The following RBM39 variants were observed in gnomAD, a reference collection of about 807,000 sequenced individuals.
The protein encoded by RBM39 is RNA-binding protein 39.
Under a neutral mutation model 79.6 loss-of-function variants are expected in RBM39, and 12 were observed. The observed-to-expected ratio is 0.15, with a 90% confidence interval of 0.10 to 0.24. The LOEUF is 0.24. Ranked by LOEUF, RBM39 falls within the 10% of genes least tolerant of loss-of-function variation. The pLI is 1.00. For missense variants in RBM39, 243 were observed against 653.4 expected, an observed-to-expected ratio of 0.37 and a Z score of 6.85; for synonymous variants, 185 against 208.4, an observed-to-expected ratio of 0.89 and a Z score of 0.97.
intron 9 of RBM39, among the ~76,000 whole-genome samples, chr20:35,717,067 G>C (rs1212440935): frequency 1.3e-5 from 2 of 152,036 alleles, no homozygotes; most frequent in Non-Finnish European, 2.9e-5. Context: ...ATCACCTGAG[G>C]TCAGGAGTTT....
chr20:35,712,420 A>T (rs2036529067), intron 12 of RBM39, among the ~76,000 whole-genome samples: 1 of 130,140 alleles, frequency 7.7e-6, no homozygotes, highest in Non-Finnish European at 1.6e-5. Context: ...GCAACAGAGC[A>T]AGTCTACTGT....
chr20:35,728,351 C>A (rs971782766), intron 6 of RBM39, among the ~76,000 whole-genome samples: 1 of 152,128 alleles, frequency 6.6e-6, no homozygotes, highest in Non-Finnish European at 1.5e-5. Context: ...GCTAATTACC[C>A]GATTTGATCA....
Position 35,707,027 on chromosome 20 carries a change from TAAAAAAAAAAAAA to T in RBM39, c.1307+80_1307+92del, listed in dbSNP as rs58614202. 1.1e-4 allele frequency: 17 copies of T among 151,870 alleles called. No individual in the cohort carries two copies. In the East Asian group the frequency reaches 1.2e-3, roughly 11 times the overall value. The allele number at this position is 151,870 out of a possible 1,614,324, so 9.4% of individuals were successfully genotyped here. A position where few individuals can be genotyped will look rare whatever the true frequency, so the allele number is the denominator to read the frequency against. On this transcript the variant is annotated intron_variant, in intron 14 of 16. Transcript: ENST00000253363. Reference sequence around the variant, plus strand: ...AGACAACAAGAGCGAAACTCCATCTTAAAAAAAAAAAAAAAAAAAAAAAAGAGAAATATATAAA... The same window carrying T: ...AGACAACAAGAGCGAAACTCCATCTTAAAAAAAAAAAGAGAAATATATAAA...
chr20:35,706,498 CTT>C lies in RBM39; in HGVS notation c.1307+620_1307+621del, dbSNP rs1327499700. Among the ~76,000 whole-genome samples, 7 of 152,046 alleles carry C rather than the reference CTT, an allele frequency of 4.6e-5. No individual in the cohort carries two copies. The East Asian group carries it at 9.6e-4, about 21-fold the overall frequency. ...ACAATTGTCATTATATGAAATGTAACTTATTGAAATCGAAACAAAAATCTACA... is the reference window on the plus strand; with the variant it reads ...ACAATTGTCATTATATGAAATGTAACATTGAAATCGAAACAAAAATCTACA... On this transcript the variant is annotated intron_variant, in intron 14 of 16. Transcript: ENST00000253363.
chr20:35,719,155 G>C (rs2037564187), intron 9 of RBM39, among the ~76,000 whole-genome samples: 1 of 152,070 alleles, frequency 6.6e-6, no homozygotes, highest in Non-Finnish European at 1.5e-5. Flanking sequence ...TGAGCCTCCA[G>C]AGTAAGCTGG....
chr20:35,719,119 C>T (rs1034927871), intron 9 of RBM39, among the ~76,000 whole-genome samples: 2 of 152,110 alleles, frequency 1.3e-5, no homozygotes, highest in African/African-American at 4.8e-5. Context: ...TCCAGCTTGA[C>T]TTGTTTTATA....
chr20:35,707,051 A>AAAT, intron 14 of RBM39, 69 bp downstream of exon 14: 2 of 653,390 alleles, frequency 3.1e-6, no homozygotes, highest in Non-Finnish European at 4.7e-6. Context: ...AAAAAAAAAA[A>AAAT]GAGAAATATA....
At position 35,704,765 on chromosome 20, in the gene RBM39, A is replaced by G. The variant is rs1251861609; in HGVS notation, c.1414-19T>C. On this transcript the variant is annotated intron_variant, in intron 15 of 16. Transcript: ENST00000253363. The stretch of plus-strand genomic sequence containing the variant: ...CATTGCCCTACAGAAAAAATGAAAA[A>G]AAAGGTAAAGATGTTGCTGTATGCA... 3.1e-6 allele frequency: 5 copies of G among 1,607,666 alleles called. No individual in the cohort carries two copies. The Admixed American group carries it at 6.8e-5, about 22-fold the overall frequency.
intron 8 of RBM39, 89 bp downstream of exon 8, chr20:35,724,481 G>A (rs1170028137): frequency 8.3e-7 from 1 of 1,201,288 alleles, no homozygotes; most frequent in Non-Finnish European, 1.1e-6. Context: ...GTAATGAGCA[G>A]CAGTCACAGA....
intron 13 of RBM39, among the ~76,000 whole-genome samples, chr20:35,708,544 C>A (rs765914096): frequency 6.6e-6 from 1 of 152,040 alleles, no homozygotes; most frequent in South Asian, 2.1e-4. Flanking sequence ...AAATTTAATT[C>A]TTGACTGTGA....
chr20:35,738,821 T>G (rs2040245438), intron 3 of RBM39, 147 bp downstream of exon 3: 1 of 709,580 alleles, frequency 1.4e-6, no homozygotes, highest in Admixed American at 3.2e-5. Flanking sequence ...AGAGTTTGTC[T>G]CAAAAGGCAA....
At chr20:35,727,648 G>GTTTTT (rs773616534) in intron 6 of RBM39, among the ~76,000 whole-genome samples, 11 of 134,524 alleles carry the variant, frequency 8.2e-5, no homozygotes, top group African/African-American at 2.8e-4. Flanking sequence ...GCTAATTTTT[G>GTTTTT]TATTTTTTTT....
chr20:35,727,115 T>G (rs1011610304), intron 6 of RBM39, among the ~76,000 whole-genome samples: 3 of 151,398 alleles, frequency 2.0e-5, no homozygotes, highest in African/African-American at 7.3e-5. Context: ...AGGCCGGGAG[T>G]AGCGTGCAGA....
At chr20:35,708,182 T>TAAATA (rs773529293) in intron 13 of RBM39, among the ~76,000 whole-genome samples, 3 of 152,052 alleles carry the variant, frequency 2.0e-5, no homozygotes, top group Non-Finnish European at 2.9e-5. Context: ...AGTTTTATTT[T>TAAATA]AAATAAAACA....
intron 13 of RBM39, chr20:35,708,068 C>T (rs935256738): frequency 1.7e-5 from 5 of 287,830 alleles, no homozygotes; most frequent in South Asian, 5.8e-5. Context: ...AATATTACAC[C>T]GAGAAATTAG....
rs2040444119 is a variant in RBM39, at chr20:35,741,024, A to ATTTTTCTTTTT, written c.-13-148_-13-138dup. The stretch of plus-strand genomic sequence containing the variant: ...GAACAAGACGATTCCGTGAGTAAAC[A>ATTTTTCTTTTT]TTTTTCTTTTTTTTTTTTTTTTTTT... On this transcript the variant is annotated intron_variant, in intron 1 of 16. Transcript: ENST00000253363. 1.0e-4 allele frequency: 8 copies of ATTTTTCTTTTT among 78,068 alleles called. 2 individuals are homozygous for ATTTTTCTTTTT. The highest frequency in any genetic ancestry group is 4.9e-4 in the African/African-American group (6 of 12,262). 4.8% of individuals were successfully genotyped at this position (78,068 alleles called of 1,614,324 possible).
intron 6 of RBM39, among the ~76,000 whole-genome samples, chr20:35,727,777 G>A (rs1474777711): frequency 1.3e-5 from 2 of 151,952 alleles, no homozygotes; most frequent in Non-Finnish European, 1.5e-5. Flanking sequence ...AGCCTCCCGA[G>A]TAGCTGGGAT....
intron 14 of RBM39, 41 bp from the exon 15 acceptor site, chr20:35,705,371 TAACA>T (rs1254118842): frequency 4.8e-6 from 5 of 1,037,556 alleles, no homozygotes. Flanking sequence ...CTATTGAAAC[TAACA>T]AACTATATAT....
intron 9 of RBM39, 71 bp from the exon 10 acceptor site, chr20:35,716,876 G>T: frequency 2.9e-6 from 3 of 1,050,576 alleles, no homozygotes; most frequent in Non-Finnish European, 4.2e-6. Context: ...CTGAGACATG[G>T]TTTTAAAAAT....
Sources: gnomAD v4.1 joint callset for allele counts (sites outside exome capture counted in the v4.1 genomes callset) on GRCh38, gnomAD v4.1.1 for gene constraint, MANE v1.5 for transcripts, NCBI Gene and HGNC (gene_info 2026-07-23, HGNC 2026-07-21) for gene names.